Variants in LRIT1 observed in about 807,000 individuals in gnomAD.
LRIT1 encodes leucine rich repeat, Ig-like and transmembrane domains 1, also known as leucine-rich repeat, immunoglobulin-like domain and transmembrane domain-containing protein 1.
LRIT1 carries 23 observed loss-of-function variants against 24.0 expected under a neutral mutation model. The ratio of observed to expected loss-of-function variants is 0.96; its 90% CI spans 0.69 to 1.36. The LOEUF (loss-of-function observed/expected upper bound fraction) is 1.36, where lower values mean the gene tolerates loss of function less well. Ranked by LOEUF, LRIT1 falls within the 40% of genes most tolerant of loss-of-function variation. The pLI is 0.00. For synonymous variants in LRIT1, 361 were observed against 340.5 expected (o/e 1.06, Z -0.66); for missense variants, 846 against 806.3 (o/e 1.05, Z -0.60).
rs983989670 is a variant in LRIT1 at position 84,232,620 on chromosome 10, G to A, written c.1179C>T (p.Ala393=). 17 of 1,613,698 alleles carry A rather than the reference G, an allele frequency of 1.1e-5. No individual in the cohort carries two copies. The highest frequency in any genetic ancestry group is 1.3e-5 in the African/African-American group (1 of 74,930). ...VPQIPKPAVL[A]TGPSVPSTKE... ...TTGTGCTGGGCACAGAGGGTCCAGT[G>A]GCCAGGACAGCGGGTTTGGGAATCT... is the stretch of plus-strand genomic sequence containing the variant. The change falls in exon 4 of 4, where the codon GCC becomes GCT. Residue 393 remains alanine, a synonymous_variant. Coordinates refer to ENST00000372105, the MANE Select transcript of LRIT1 (RefSeq NM_015613.3).
intron 2 of LRIT1, 121 bp from the exon 3 acceptor site, chr10:84,234,499 T>C: frequency 1.5e-6 from 1 of 685,182 alleles, no homozygotes; most frequent in Non-Finnish European, 2.3e-6. Flanking sequence ...AACTGGCCTC[T>C]GGACCCAGCT....
At chr10:84,235,722 T>C (rs1842641875) in intron 2 of LRIT1, among the ~76,000 whole-genome samples, 1 of 152,068 alleles carries the variant, frequency 6.6e-6, no homozygotes, top group Non-Finnish European at 1.5e-5. Context: ...GTGATTCTCC[T>C]GCCTCAGCCG....
At position 84,238,733 on chromosome 10, in the gene LRIT1, C is replaced by A. The variant is rs949290679; in HGVS notation, c.123-1047G>T. On this transcript the variant is annotated intron_variant, in intron 1 of 3. Coordinates refer to ENST00000372105, the MANE Select transcript of LRIT1 (RefSeq NM_015613.3). ...GCCCAAGGGTATGGATCACTGTCAT[C>A]AATGTTTGCATCTCAGCACTGCAAG... Among the ~76,000 whole-genome samples, 14 of 152,354 alleles carry A rather than the reference C, an allele frequency of 9.2e-5. No homozygotes were observed. In the East Asian group the frequency reaches 1.3e-3, roughly 15 times the overall value.
chr10:84,241,302 G>T lies in LRIT1; in HGVS notation c.122+16C>A, dbSNP rs373503467. ...ATGGAGGCTGGGCTGCCCGTCCCAC[G>T]CACCCGGTACCATACCTGGCCTTGC... On this transcript the variant is annotated intron_variant, in intron 1 of 3. Coordinates refer to ENST00000372105, the MANE Select transcript of LRIT1 (RefSeq NM_015613.3). 1 of 1,613,718 alleles carries T rather than the reference G, an allele frequency of 6.2e-7. No individual in the cohort carries two copies. Among genetic ancestry groups the T allele is most frequent in the Non-Finnish European group, 8.5e-7 (1 of 1,179,862 alleles).
In LRIT1 at chr10:84,234,859, T is replaced by C. The variant is rs570525453; in HGVS notation, c.590-481A>G. On this transcript the variant is annotated intron_variant, in intron 2 of 3. Transcript: ENST00000372105. The stretch of plus-strand genomic sequence containing the variant: ...GCTCTGAGCCATGGTCCCTTTGACA[T>C]AGGCTTAAATGGGCGTAAACAGCAG... 9.9e-5 allele frequency among the ~76,000 whole-genome samples: 15 copies of C among 152,284 alleles called. No individual in the cohort carries two copies. In the East Asian group the frequency reaches 2.7e-3, roughly 27 times the overall value.
At position 84,231,962 on chromosome 10, in the gene LRIT1, T is replaced by A. The variant is rs756142253; in HGVS notation, c.1837A>T (p.Lys613Ter). ...TACTCATTGATTCTCCTGCCCCCTT[T>A]GACTCCAAAGGCCTGAAAGTCCACA... is the stretch of plus-strand genomic sequence containing the variant. ...SSVDFQAFGV[K>*]GGRRINEYFC Residue 613 changes from lysine to a stop codon, truncating the protein, a stop_gained, in exon 4 of 4, where the codon AAA (lysine) becomes TAA (stop). Transcript: ENST00000372105. LOFTEE classifies it high-confidence loss of function. 6.2e-7 allele frequency: 1 copy of A among 1,611,964 alleles called. No homozygotes were observed. The highest frequency in any genetic ancestry group is 8.5e-7 in the Non-Finnish European group (1 of 1,178,434).
chr10:84,234,693 C>A (rs938548054), intron 2 of LRIT1, among the ~76,000 whole-genome samples: 1 of 152,188 alleles, frequency 6.6e-6, no homozygotes, highest in African/African-American at 2.4e-5. Flanking sequence ...CCTTTCAGGC[C>A]ACTGGCCAGG....
chr10:84,232,581 G>A lies in LRIT1; in HGVS notation c.1218C>T (p.Thr406=), dbSNP rs1200388822. The change falls in exon 4 of 4, where the codon ACC becomes ACT. Residue 406 remains threonine, a synonymous_variant. Coordinates refer to ENST00000372105, the MANE Select transcript of LRIT1 (RefSeq NM_015613.3). The stretch of plus-strand genomic sequence containing the variant: ...GGGCATCCATCTGGAAGTGCTCAAG[G>A]GTCAGCTCCTCCTTTGTGCTGGGCA... ...PSVPSTKEEL[T]LEHFQMDALG... is the part of the protein sequence containing the mutation. The A allele has an allele frequency of 1.9e-6, 3 of 1,613,946 alleles. No homozygotes were observed. The highest frequency in any genetic ancestry group is 2.7e-5 in the African/African-American group (2 of 74,924).
chr10:84,234,401 A>AAGATATTCAGAT, intron 2 of LRIT1, 23 bp from the exon 3 acceptor site: 1 of 1,500,358 alleles, frequency 6.7e-7, no homozygotes. Flanking sequence ...AAAAGAAGAC[A>AAGATATTCAGAT]AGATATTCAG....
intron 2 of LRIT1, among the ~76,000 whole-genome samples, chr10:84,236,161 T>G (rs1237889172): frequency 2.0e-5 from 3 of 151,766 alleles, no homozygotes; most frequent in Admixed American, 2.0e-4. Flanking sequence ...CCAGGCGTGG[T>G]GGCAGGCGCC....
Position 84,237,689 on chromosome 10 carries a change from G to A in LRIT1, c.123-3C>T, listed in dbSNP as rs997841300. The A allele has an allele frequency of 6.3e-7, 1 of 1,576,070 alleles. No homozygotes were observed. The highest frequency in any genetic ancestry group is 1.8e-5 in the Admixed American group (1 of 55,324). ...CGGGGTCGTTGCACACTACTGTCCT[G>A]CTGGCAGAAATGAGGGATAGTTGAG... On this transcript the variant is annotated splice_region_variant and splice_polypyrimidine_tract_variant and intron_variant, in intron 1 of 3. Transcript: ENST00000372105.
In LRIT1 at chr10:84,234,812, C is replaced by T. The variant is rs1165837353; in HGVS notation, c.590-434G>A. On this transcript the variant is annotated intron_variant, in intron 2 of 3. Transcript: ENST00000372105. The stretch of plus-strand genomic sequence containing the variant: ...CCAGTATAAATGGTATTTTCAGCAT[C>T]ATCCCGGCAATGAAGGTGGCTGCTC... 2.0e-5 allele frequency among the ~76,000 whole-genome samples: 3 copies of T among 152,310 alleles called. No homozygotes were observed. In the East Asian group the frequency reaches 5.8e-4, roughly 29 times the overall value.
intron 1 of LRIT1, among the ~76,000 whole-genome samples, chr10:84,239,297 C>T (rs1410672437): frequency 6.6e-6 from 1 of 152,108 alleles, no homozygotes; most frequent in African/African-American, 2.4e-5. Flanking sequence ...ACAATAGGTT[C>T]GGGCAGGTGT....
In LRIT1 at chr10:84,234,318, T is replaced by G; in HGVS notation, c.650A>C (p.Asp217Ala). 1 of 1,604,874 alleles carries G rather than the reference T, an allele frequency of 6.2e-7. No individual in the cohort carries two copies. Among genetic ancestry groups the G allele is most frequent in the Non-Finnish European group, 8.5e-7 (1 of 1,174,930 alleles). ...GAAGGCCAAGTTTGGGGCCCAGCCA[T>G]CCAAAAGATGAACCAGGTCATAGAG... is the stretch of plus-strand genomic sequence containing the variant. ...CRLYDLVHLL[D>A]GWAPNLAFIE... is the part of the protein sequence containing the mutation. Residue 217 changes from aspartate (D) to alanine (A), a missense_variant, in exon 3 of 4, where the codon GAT becomes GCT. Coordinates refer to ENST00000372105, the MANE Select transcript of LRIT1 (RefSeq NM_015613.3).
In LRIT1 at chr10:84,241,392, G is replaced by A. The variant is rs1172483257; in HGVS notation, c.48C>T (p.Pro16=). The change falls in exon 1 of 4, where the codon CCC becomes CCT. Residue 16 remains proline (P), a synonymous_variant. Coordinates refer to ENST00000372105, the MANE Select transcript of LRIT1 (RefSeq NM_015613.3). ...GMLWLLALAW[P]PQARGFCPSQ... ...AGGGGCAGAAGCCCCGGGCCTGGGGGGGCCACGCAAGGGCCAAGAGCCAGA... is the reference window on the plus strand; with the variant it reads ...AGGGGCAGAAGCCCCGGGCCTGGGGAGGCCACGCAAGGGCCAAGAGCCAGA... 1 of 1,610,982 alleles carries A rather than the reference G, an allele frequency of 6.2e-7. No homozygotes were observed. Among genetic ancestry groups the A allele is most frequent in the Non-Finnish European group, 8.5e-7 (1 of 1,178,746 alleles).
At chr10:84,234,454 G>A (rs1842632335) in intron 2 of LRIT1, 76 bp from the exon 3 acceptor site, 1 of 1,215,002 alleles carries the variant, frequency 8.2e-7, no homozygotes, top group Non-Finnish European at 1.1e-6. Context: ...CTTCCCCTCT[G>A]GAAGGACAGG....
intron 1 of LRIT1, among the ~76,000 whole-genome samples, chr10:84,238,146 G>A (rs1003923726): frequency 3.9e-5 from 6 of 152,150 alleles, no homozygotes; most frequent in African/African-American, 1.4e-4. Context: ...CTGAGGTCAG[G>A]AGTTCAAGAT....
In LRIT1 at chr10:84,232,681, G is replaced by C; in HGVS notation, c.1118C>G (p.Ala373Gly). Residue 373 changes from alanine to glycine, a missense_variant, in exon 4 of 4, where the codon GCT becomes GGT. Physicochemically the swap from Ala to Gly is moderately conservative, Grantham distance 60. Coordinates refer to ENST00000372105, the MANE Select transcript of LRIT1 (RefSeq NM_015613.3). The stretch of plus-strand genomic sequence containing the variant: ...CCTGGCCACCAGCTTGTTGTTGTAA[G>C]CAGCAGCTTCCCCTCCGCCACCTGT... ...ARTGGGGEAA[A>G]YNNKLVARHV... is the part of the protein sequence containing the mutation. The C allele has an allele frequency of 6.2e-7, 1 of 1,613,760 alleles. No homozygotes were observed. Among genetic ancestry groups the C allele is most frequent in the Non-Finnish European group, 8.5e-7 (1 of 1,179,782 alleles).
chr10:84,235,928 G>A (rs987793330), intron 2 of LRIT1, among the ~76,000 whole-genome samples: 1 of 150,766 alleles, frequency 6.6e-6, no homozygotes, highest in Non-Finnish European at 1.5e-5. Flanking sequence ...GTTTTTAAAT[G>A]TCTAATATGC....
Sources: allele counts gnomAD v4.1 joint callset (sites outside exome capture counted in the v4.1 genomes callset), GRCh38; gene constraint gnomAD v4.1.1; transcripts MANE v1.5; gene names NCBI Gene and HGNC (gene_info 2026-07-23, HGNC 2026-07-21).